The following DMWD variants were observed in gnomAD, a reference collection of about 807,000 sequenced individuals.
The protein encoded by DMWD is DM1 locus, WD repeat containing.
A neutral mutation model predicts 45.8 loss-of-function variants in DMWD; 19 were observed. That is an observed-to-expected ratio of 0.41 (90% confidence interval 0.29 to 0.61). The LOEUF is 0.61. DMWD is among the 20% of genes least tolerant of loss of function. The pLI is 0.25. For missense variants in DMWD, 802 were observed against 965.2 expected (o/e 0.83, Z 2.24); for synonymous variants, 515 against 440.5 (o/e 1.17, Z -2.12).
At position 45,790,595 on chromosome 19, in the gene DMWD, G is replaced by A; in HGVS notation, c.624+310C>T. 1.6e-5 allele frequency: 3 copies of A among 188,026 alleles called. No individual in the cohort carries two copies. In the South Asian group the frequency reaches 3.8e-4, roughly 24 times the overall value. 11.6% of individuals were successfully genotyped at this position (188,026 alleles called of 1,614,324 possible). On this transcript the variant is annotated intron_variant, in intron 2 of 4. Coordinates refer to ENST00000270223, the MANE Select transcript of DMWD (RefSeq NM_004943.2). ...ATGAACCCGGGAGGTGGATCTTGCA[G>A]TGAGCAGAGATCGCGCCACTGCACT... is the stretch of plus-strand genomic sequence containing the variant.
intron 2 of DMWD, among the ~76,000 whole-genome samples, chr19:45,787,658 G>A (rs1260874583): frequency 6.6e-6 from 1 of 152,176 alleles, no homozygotes; most frequent in Non-Finnish European, 1.5e-5. Flanking sequence ...GTAATTCCTG[G>A]ACAAATGAGT....
At position 45,786,755 on chromosome 19, in the gene DMWD, G is replaced by GC. The variant is rs772846196; in HGVS notation, c.740dup (p.Cys247TrpfsTer38). 6.2e-7 allele frequency: 1 copy of GC among 1,614,148 alleles called. No homozygotes were observed. Among genetic ancestry groups the GC allele is most frequent in the Non-Finnish European group, 8.5e-7 (1 of 1,180,032 alleles). ...GGCTGTACTGGGGCGGGGCCGAGGC[G>GC]CAGGGGTGGCTGACGTTGTACAGGT... On this transcript the variant is annotated frameshift_variant, in exon 3 of 5. Transcript: ENST00000270223. LOFTEE classifies it high-confidence loss of function.
intron 1 of DMWD, 60 bp from the exon 2 acceptor site, chr19:45,791,147 G>T: frequency 1.3e-6 from 2 of 1,517,278 alleles, no homozygotes; most frequent in Non-Finnish European, 1.8e-6. Flanking sequence ...GGAAGAGGAT[G>T]TTGAGGTTGG....
rs758974926 is a variant in DMWD, at chr19:45,785,586, C to T, written c.1902+8G>A. 6.8e-7 allele frequency: 1 copy of T among 1,471,794 alleles called. No homozygotes were observed. The highest frequency in any genetic ancestry group is 1.4e-5 in the African/African-American group (1 of 69,718). The allele number at this position is 1,471,794 out of a possible 1,614,324, so 91.2% of individuals were successfully genotyped here. A position where few individuals can be genotyped will look rare whatever the true frequency, so the allele number is the denominator to read the frequency against. Reference sequence around the variant, plus strand: ...AGGTCCCCGGCAGGCTGGTGTGGGGCCACTCACCGCCTTGCCCGGCCGGGC... The same window carrying T: ...AGGTCCCCGGCAGGCTGGTGTGGGGTCACTCACCGCCTTGCCCGGCCGGGC... On this transcript the variant is annotated splice_region_variant and intron_variant, in intron 3 of 4. Coordinates refer to ENST00000270223, the MANE Select transcript of DMWD (RefSeq NM_004943.2).
intron 1 of DMWD, among the ~76,000 whole-genome samples, chr19:45,791,865 A>G (rs1304737822): frequency 6.6e-6 from 1 of 151,960 alleles, no homozygotes; most frequent in Non-Finnish European, 1.5e-5. Flanking sequence ...CAAGGCCCCC[A>G]TCACTTCTAG....
chr19:45,790,889 T>C lies in DMWD; in HGVS notation c.624+16A>G. On this transcript the variant is annotated intron_variant, in intron 2 of 4. Coordinates refer to ENST00000270223, the MANE Select transcript of DMWD (RefSeq NM_004943.2). ...GAGAAGGCAGAGAAGTTGGGGGCTC[T>C]GGGGGCTGCAATCACCTCCTCATTG... 1 of 1,592,098 alleles carries C rather than the reference T, an allele frequency of 6.3e-7. No individual in the cohort carries two copies. Among genetic ancestry groups the C allele is most frequent in the Admixed American group, 1.8e-5 (1 of 56,434 alleles).
In DMWD at chr19:45,785,808, T is replaced by G; in HGVS notation, c.1688A>C (p.Lys563Thr). The G allele has an allele frequency of 6.2e-7, 1 of 1,611,748 alleles. No homozygotes were observed. Among genetic ancestry groups the G allele is most frequent in the Non-Finnish European group, 8.5e-7 (1 of 1,179,636 alleles). The stretch of plus-strand genomic sequence containing the variant: ...GCTGCGGGGAACAGGGCCGCTGGGC[T>G]TCTCCCCACCACTGCCACTGCCGCC... ...GSGGSGSGGE[K>T]PSGPVPRSRL... The change falls in exon 3 of 5, where the codon AAG becomes ACG. Residue 563 changes from lysine to threonine, a missense_variant. Lys to Thr is a moderately conservative substitution (Grantham distance 78). This residue lies in a region of DMWD where 303 missense variants were observed against 332.9 expected (regional missense o/e 0.91). Transcript: ENST00000270223.
chr19:45,792,127 G>T (rs1411955213), intron 1 of DMWD, among the ~76,000 whole-genome samples, 189 bp downstream of exon 1: 1 of 152,054 alleles, frequency 6.6e-6, no homozygotes, highest in East Asian at 1.9e-4. Flanking sequence ...CAAGATGCCT[G>T]CCCAGCACCC....
intron 3 of DMWD, chr19:45,785,352 G>A: frequency 8.1e-7 from 1 of 1,230,934 alleles, no homozygotes; most frequent in Non-Finnish European, 1.0e-6. Flanking sequence ...AGCCTTGGAT[G>A]CCCCAATTCC....
rs1016472804 is a variant in DMWD at position 45,783,509 on chromosome 19, C to T, written c.*734G>A. 1.0e-5 allele frequency: 4 copies of T among 398,498 alleles called. No homozygotes were observed. The Admixed American group carries it at 1.3e-4, about 13-fold the overall frequency. 24.7% of individuals were successfully genotyped at this position (398,498 alleles called of 1,614,324 possible). Reference sequence around the variant, plus strand: ...GGCTGCGGGCAGGATGCTCTTCTCCCCAAGAGGGTCCTGCTCCAGCCGCTG... The same window carrying T: ...GGCTGCGGGCAGGATGCTCTTCTCCTCAAGAGGGTCCTGCTCCAGCCGCTG... On this transcript the variant is annotated 3_prime_UTR_variant, in exon 5 of 5. Transcript: ENST00000270223.
intron 1 of DMWD, 149 bp downstream of exon 1, chr19:45,792,167 T>C (rs1238610115): frequency 7.5e-7 from 1 of 1,342,010 alleles, no homozygotes; most frequent in African/African-American, 1.6e-5. Flanking sequence ...TTCAGAATCC[T>C]GTACTCCCTC....
intron 3 of DMWD, chr19:45,785,252 A>T: frequency 1.9e-6 from 2 of 1,080,260 alleles, no homozygotes; most frequent in Non-Finnish European, 2.2e-6. Flanking sequence ...CGATTTAAAA[A>T]ACAGATGTTC....
Position 45,784,698 on chromosome 19 carries a change from G to A in DMWD, c.1920C>T (p.Thr640=), listed in dbSNP as rs200870995. 20 of 1,613,274 alleles carry A rather than the reference G, an allele frequency of 1.2e-5. No individual in the cohort carries two copies. The highest frequency in any genetic ancestry group is 1.1e-4 in the South Asian group (10 of 91,056). The change falls in exon 4 of 5, where the codon ACC becomes ACT. Residue 640 remains threonine (T), a synonymous_variant. Transcript: ENST00000270223. ...RPGKAFTDEE[T]EAQTGEGSWP... The stretch of plus-strand genomic sequence containing the variant: ...AACTTCCTTCCCCTGTCTGGGCCTC[G>A]GTCTCCTCGTCTGTGAACTACGGAG...
At chr19:45,787,654 C>A (rs1056321718) in intron 2 of DMWD, among the ~76,000 whole-genome samples, 3 of 152,222 alleles carry the variant, frequency 2.0e-5, no homozygotes, top group African/African-American at 7.2e-5. Context: ...GAAGGTAATT[C>A]CTGGACAAAT....
At position 45,784,026 on chromosome 19, in the gene DMWD, G is replaced by C. The variant is rs1970226051; in HGVS notation, c.*217C>G. 5 of 643,970 alleles carry C rather than the reference G, an allele frequency of 7.8e-6. No individual in the cohort carries two copies. The highest frequency in any genetic ancestry group is 1.1e-5 in the Non-Finnish European group (4 of 364,052). 39.9% of individuals were successfully genotyped at this position (643,970 alleles called of 1,614,324 possible). A position where few individuals can be genotyped will look rare whatever the true frequency, so the allele number is the denominator to read the frequency against. ...TCAGAGGAAGAGGTCATTGTACTTG[G>C]CAGTGGGTGGGGGACAAGGCTGAGG... On this transcript the variant is annotated 3_prime_UTR_variant, in exon 5 of 5. Transcript: ENST00000270223.
In DMWD at chr19:45,786,660, T is replaced by A. The variant is rs200256157; in HGVS notation, c.836A>T (p.Lys279Met). 16 of 1,611,272 alleles carry A rather than the reference T, an allele frequency of 9.9e-6. No individual in the cohort carries two copies. The highest frequency in any genetic ancestry group is 1.4e-5 in the Non-Finnish European group (16 of 1,177,868). ...GAGGGGCCCCTCACCCACCGCCCAC[T>A]TGGCCAGCGGGTTGCGGGGTGCCTT... is the stretch of plus-strand genomic sequence containing the variant. ...KSKAPRNPLA[K>M]WAVGEGPLNE... Residue 279 changes from lysine (K) to methionine (M), a missense_variant, in exon 3 of 5, where the codon AAG becomes ATG. Physicochemically the swap from Lys to Met is moderately conservative, Grantham distance 95 (BLOSUM62 -1). Transcript: ENST00000270223.
At chr19:45,787,414 G>A (rs983796099) in intron 2 of DMWD, among the ~76,000 whole-genome samples, 7 of 152,204 alleles carry the variant, frequency 4.6e-5, no homozygotes, top group African/African-American at 1.4e-4. Context: ...GAGGCAGAAC[G>A]GTTTCATCCC....
At position 45,785,933 on chromosome 19, in the gene DMWD, G is replaced by T. The variant is rs1016265087; in HGVS notation, c.1563C>A (p.Gly521=). The change falls in exon 3 of 5, where the codon GGC becomes GGA. Residue 521 remains glycine, a synonymous_variant. Coordinates refer to ENST00000270223, the MANE Select transcript of DMWD (RefSeq NM_004943.2). The part of the protein sequence containing the change: ...AAEPGTPFSI[G]RFATLTLQER... ...CCTGCAGTGTGAGCGTGGCGAAGCG[G>T]CCAATGCTGAATGGTGTGCCAGGCT... The T allele has an allele frequency of 1.4e-5, 22 of 1,599,988 alleles. No homozygotes were observed. Among genetic ancestry groups the T allele is most frequent in the Non-Finnish European group, 1.8e-5 (21 of 1,177,948 alleles).
At chr19:45,787,819 G>A (rs946286382) in intron 2 of DMWD, among the ~76,000 whole-genome samples, 1 of 152,236 alleles carries the variant, frequency 6.6e-6, no homozygotes, top group Non-Finnish European at 1.5e-5. Context: ...TGTAATCCCA[G>A]CACTTTGGGA....
Sources: allele counts gnomAD v4.1 joint callset (sites outside exome capture counted in the v4.1 genomes callset), GRCh38; gene constraint gnomAD v4.1.1; regional missense constraint gnomAD v4.1.1; transcripts MANE v1.5; gene names NCBI Gene and HGNC (gene_info 2026-07-23, HGNC 2026-07-21).